RASA3: variants seen among roughly 807,000 people sequenced by gnomAD.
RASA3 encodes ras GTPase-activating protein 3.
Under a neutral mutation model 110.0 loss-of-function variants are expected in RASA3, and 73 were observed. The ratio of observed to expected loss-of-function variants is 0.66; its 90% CI spans 0.55 to 0.81. The LOEUF (loss-of-function observed/expected upper bound fraction) is 0.81. Among genes scored for constraint, RASA3 ranks in the 30% least tolerant of loss-of-function variants. The pLI is 0.00. For missense variants in RASA3, 976 were observed against 1,113.2 expected, an observed-to-expected ratio of 0.88 and a Z score of 1.75; for synonymous variants, 500 against 451.4, an observed-to-expected ratio of 1.11 and a Z score of -1.37.
chr13:114,090,923 C>T (rs565559969), intron 1 of RASA3, among the ~76,000 whole-genome samples: 1 of 152,066 alleles, frequency 6.6e-6, no homozygotes, highest in Non-Finnish European at 1.5e-5. Context: ...CCTATAAAAT[C>T]TGTTACATAC....
At chr13:114,117,723 CATGT>C (rs1413965865) in intron 1 of RASA3, among the ~76,000 whole-genome samples, 1 of 120,644 alleles carries the variant, frequency 8.3e-6, no homozygotes, top group Non-Finnish European at 1.7e-5. Context: ...GTGAGGGATG[CATGT>C]GTGTGAGGAG....
intron 8 of RASA3, among the ~76,000 whole-genome samples, chr13:114,022,629 C>T (rs568220744): frequency 1.3e-5 from 2 of 152,340 alleles, no homozygotes; most frequent in African/African-American, 2.4e-5. Context: ...ACAGGCTGCA[C>T]AGGAACCCAC....
chr13:114,009,559 A>G, intron 16 of RASA3, 95 bp from the exon 17 acceptor site: 2 of 836,738 alleles, frequency 2.4e-6, no homozygotes. Flanking sequence ...GTCCAAGCCT[A>G]AATGACGATA....
chr13:114,030,278 A>G (rs2274708), intron 4 of RASA3, among the ~76,000 whole-genome samples: 105,952 of 151,702 alleles, frequency 0.7, 37,660 homozygotes, highest in African/African-American at 0.84. Context: ...GCTGTCTCCC[A>G]AGCAGGGGCC....
At chr13:113,992,335 G>T in intron 22 of RASA3, 150 bp downstream of exon 22, 1 of 529,060 alleles carries the variant, frequency 1.9e-6, no homozygotes. Flanking sequence ...AAAGCTTTTC[G>T]CATCCATCCG....
chr13:114,076,250 A>C (rs1349947829), intron 1 of RASA3, among the ~76,000 whole-genome samples: 1 of 152,228 alleles, frequency 6.6e-6, no homozygotes, highest in Non-Finnish European at 1.5e-5. Context: ...TTTGGGAATC[A>C]TTAAGGAAGC....
chr13:114,031,510 G>A (rs972420575), intron 4 of RASA3, among the ~76,000 whole-genome samples: 9 of 146,522 alleles, frequency 6.1e-5, no homozygotes, highest in Non-Finnish European at 1.3e-4. Flanking sequence ...GTGTCTGCCT[G>A]TCTGTGCGCG....
chr13:114,015,070 A>T, intron 14 of RASA3, 139 bp downstream of exon 14: 1 of 1,234,924 alleles, frequency 8.1e-7, no homozygotes, highest in Non-Finnish European at 1.1e-6. Context: ...ACCCCGGAAA[A>T]ATCCAGCATC....
intron 1 of RASA3, among the ~76,000 whole-genome samples, chr13:114,081,490 T>C (rs1301470720): frequency 6.6e-6 from 1 of 152,208 alleles, no homozygotes; most frequent in Non-Finnish European, 1.5e-5. Flanking sequence ...TGGTCTACAA[T>C]GAGCCGCTGG....
intron 1 of RASA3, among the ~76,000 whole-genome samples, chr13:114,078,621 A>T (rs949067938): frequency 2.0e-5 from 3 of 152,228 alleles, no homozygotes; most frequent in Admixed American, 1.3e-4. Context: ...GCAGCACTTA[A>T]ACACATTTAA....
chr13:113,980,519 T>A (rs1187933838), intron 23 of RASA3, among the ~76,000 whole-genome samples: 3 of 150,800 alleles, frequency 2.0e-5, no homozygotes, highest in Non-Finnish European at 4.4e-5. Flanking sequence ...GTGTGCCTCG[T>A]GTGCGCCTTC....
chr13:114,018,801 G>A lies in RASA3; in HGVS notation c.904C>T (p.Pro302Ser), dbSNP rs572689304. The change falls in exon 10 of 24, where the codon CCT (proline) becomes TCT (serine). Residue 302 changes from proline (P) to serine (S), a missense_variant. This residue lies in a region of RASA3 where 732 missense variants were observed against 779.7 expected (regional missense o/e 0.94). Transcript: ENST00000334062. ...DHVFSSDYYS[P>S]LRDLLLKSAD... Reference sequence around the variant, plus strand: ...GACTTCAACAGCAGGTCCCGCAGAGGGCTGTAATAGTCAGAAGAAAACACG... The same window carrying A: ...GACTTCAACAGCAGGTCCCGCAGAGAGCTGTAATAGTCAGAAGAAAACACG... 29 of 1,613,660 alleles carry A rather than the reference G, an allele frequency of 1.8e-5. No homozygotes were observed. Among genetic ancestry groups the A allele is most frequent in the Non-Finnish European group, 2.4e-5 (28 of 1,179,986 alleles).
intron 23 of RASA3, among the ~76,000 whole-genome samples, chr13:113,979,642 G>A (rs985539423): frequency 6.6e-6 from 1 of 152,208 alleles, no homozygotes; most frequent in Non-Finnish European, 1.5e-5. Context: ...ATGTGCACGT[G>A]TGCTCTCCCT....
intron 1 of RASA3, among the ~76,000 whole-genome samples, chr13:114,092,801 C>T (rs1342943859): frequency 6.6e-6 from 1 of 152,148 alleles, no homozygotes; most frequent in Non-Finnish European, 1.5e-5. Context: ...CTGTCTCTCT[C>T]TTTAGATATA....
intron 10 of RASA3, 116 bp downstream of exon 10, chr13:114,018,647 T>A: frequency 7.5e-7 from 1 of 1,329,542 alleles, no homozygotes; most frequent in Non-Finnish European, 1.0e-6. Context: ...CTGGGAGGCG[T>A]GGGAAAGGCC....
chr13:114,124,385 T>C (rs935241708), intron 1 of RASA3, among the ~76,000 whole-genome samples: 3 of 152,096 alleles, frequency 2.0e-5, no homozygotes, highest in Non-Finnish European at 4.4e-5. Flanking sequence ...AAACAAAATC[T>C]CCCAGACACT....
Position 114,056,336 on chromosome 13 carries a change from T to C in RASA3, c.174-4181A>G, listed in dbSNP as rs2079244871. On this transcript the variant is annotated intron_variant, in intron 2 of 23. Coordinates refer to ENST00000334062, the MANE Select transcript of RASA3 (RefSeq NM_007368.4). This position sits in a 1 kb window ranked among gnomAD's most constrained non-coding sequence, Gnocchi z 5.7. ...GGCGGTGAGATGAGGATGCCAGCGC[T>C]AAGCACACCCCACAAACGGGCGCCG... 1 of 609,706 alleles carries C rather than the reference T, an allele frequency of 1.6e-6. No individual in the cohort carries two copies. The highest frequency in any genetic ancestry group is 2.1e-6 in the Non-Finnish European group (1 of 486,480). 37.8% of individuals were successfully genotyped at this position (609,706 alleles called of 1,614,324 possible).
chr13:113,983,387 C>T (rs146051669), intron 22 of RASA3, among the ~76,000 whole-genome samples: 22 of 129,676 alleles, frequency 1.7e-4, no homozygotes, highest in African/African-American at 5.4e-4. Context: ...TGACATCAGA[C>T]ACGTAATTGA....
intron 17 of RASA3, among the ~76,000 whole-genome samples, chr13:114,008,990 A>G (rs2053573791): frequency 6.8e-6 from 1 of 147,086 alleles, no homozygotes; most frequent in Non-Finnish European, 1.5e-5. Flanking sequence ...GGAGGAGCAG[A>G]GCCCTGCGGT....
Sources: allele counts gnomAD v4.1 joint callset (sites outside exome capture counted in the v4.1 genomes callset), GRCh38; gene constraint gnomAD v4.1.1; regional missense constraint gnomAD v4.1.1; non-coding constraint Gnocchi (gnomAD v3.1); transcripts MANE v1.5; gene names NCBI Gene and HGNC (gene_info 2026-07-23, HGNC 2026-07-21).